The following CCNT1 variants were observed in gnomAD, a reference collection of about 807,000 sequenced individuals.
CCNT1 encodes the protein cyclin T1, also known as cyclin-T1.
In CCNT1, 18 loss-of-function variants were observed where a neutral mutation model predicts 67.3. That is an observed-to-expected ratio of 0.27 (90% CI 0.18 to 0.40). The LOEUF (loss-of-function observed/expected upper bound fraction) is 0.40. Ranked by LOEUF, CCNT1 falls within the 10% of genes least tolerant of loss-of-function variation. The probability of loss-of-function intolerance (pLI) is 1.00; values close to 1 mark genes in which losing one functional copy is unlikely to be tolerated. For missense variants in CCNT1, 744 were observed against 884.9 expected (o/e 0.84, Z 2.02); for synonymous variants, 333 against 310.3 (o/e 1.07, Z -0.77).
In CCNT1 at chr12:48,695,776, G is replaced by A; in HGVS notation, c.760C>T (p.Arg254Cys). The part of the protein sequence containing the change: ...ILEKTPNRLK[R>C]IWNWRACEAA... The stretch of plus-strand genomic sequence containing the variant: ...ATTCTTACCCTCCAATTCCAAATGC[G>A]TTTGAGCCTGTTGGGAGTTTTCTCC... Residue 254 changes from arginine to cysteine, a missense_variant, in exon 8 of 9, where the codon CGC becomes TGC. Around this residue, in one of 3 missense-constraint regions of CCNT1, gnomAD observed 142 missense variants for 277.0 expected, o/e 0.51. Coordinates refer to ENST00000261900, the MANE Select transcript of CCNT1 (RefSeq NM_001240.4). 1 of 1,611,266 alleles carries A rather than the reference G, an allele frequency of 6.2e-7. No homozygotes were observed. Among genetic ancestry groups the A allele is most frequent in the Non-Finnish European group, 8.5e-7 (1 of 1,177,450 alleles).
At chr12:48,695,653 A>T in intron 8 of CCNT1, 106 bp downstream of exon 8, 1 of 720,840 alleles carries the variant, frequency 1.4e-6, no homozygotes, top group Non-Finnish European at 2.4e-6. Flanking sequence ...TGTAACTATA[A>T]AAAGGGCAAT....
In CCNT1 at chr12:48,693,440, C is replaced by T. The variant is rs754284307; in HGVS notation, c.1774G>A (p.Ala592Thr). 1 of 1,614,094 alleles carries T rather than the reference C, an allele frequency of 6.2e-7. No individual in the cohort carries two copies. The highest frequency in any genetic ancestry group is 1.3e-5 in the African/African-American group (1 of 74,926). ...GAVFDHPAKI[A>T]KSTKSSSLNF... is the part of the protein sequence containing the mutation. ...AGGGAAGAGGATTTAGTACTCTTGG[C>T]AATCTTGGCTGGATGATCAAACACA... The change falls in exon 9 of 9, where the codon GCC becomes ACC. Residue 592 changes from alanine (A) to threonine (T), a missense_variant. Physicochemically the swap from Ala to Thr is moderately conservative, Grantham distance 58 (BLOSUM62 0). Around this residue, in one of 3 missense-constraint regions of CCNT1, gnomAD observed 564 missense variants for 574.2 expected, o/e 0.98. Transcript: ENST00000261900.
intron 8 of CCNT1, 129 bp from the exon 9 acceptor site, chr12:48,694,565 C>T (rs957068104): frequency 1.1e-5 from 8 of 703,904 alleles, no homozygotes; most frequent in Non-Finnish European, 1.4e-5. Context: ...GCTATCCTAA[C>T]ATGTAATCCA....
At chr12:48,696,763 C>G (rs554397597) in intron 6 of CCNT1, among the ~76,000 whole-genome samples, 5 of 152,280 alleles carry the variant, frequency 3.3e-5, no homozygotes, top group Admixed American at 2.6e-4. Context: ...CTGACAGTTA[C>G]TAGGGATATC....
At chr12:48,705,175 G>A (rs557482576) in intron 3 of CCNT1, among the ~76,000 whole-genome samples, 3 of 152,274 alleles carry the variant, frequency 2.0e-5, no homozygotes, top group African/African-American at 7.2e-5. Flanking sequence ...GCAGTGGTGT[G>A]ATCATGGCTC....
At chr12:48,696,849 TAGAC>T (rs1222985597) in intron 6 of CCNT1, among the ~76,000 whole-genome samples, 1 of 152,184 alleles carries the variant, frequency 6.6e-6, no homozygotes, top group Non-Finnish European at 1.5e-5. Context: ...TTACTTTTTT[TAGAC>T]AGAGTCTCTC....
In CCNT1 at chr12:48,716,650, T is replaced by C; in HGVS notation, c.26A>G (p.Asn9Ser). Residue 9 changes from asparagine (N) to serine (S), a missense_variant, in exon 1 of 9, where the codon AAC becomes AGC. By Grantham distance (46) the Asn-to-Ser change is conservative. Transcript: ENST00000261900. ...TTCTCGAGTGAAATACCACCGTTTG[T>C]TGTTGTTCTTCCTCTCTCCCTCCAT... MEGERKNN[N>S]KRWYFTREQL... 1 of 1,614,170 alleles carries C rather than the reference T, an allele frequency of 6.2e-7. No individual in the cohort carries two copies. Among genetic ancestry groups the C allele is most frequent in the East Asian group, 2.2e-5 (1 of 44,874 alleles).
At position 48,692,954 on chromosome 12, in the gene CCNT1, A is replaced by T; in HGVS notation, c.*79T>A. ...CCAAGGATGACATATTTCATAAGTA[A>T]TTTTCTTAGTCCAAAAAAAAAAAAG... On this transcript the variant is annotated 3_prime_UTR_variant, in exon 9 of 9. Coordinates refer to ENST00000261900, the MANE Select transcript of CCNT1 (RefSeq NM_001240.4). The T allele has an allele frequency of 1.1e-6, 1 of 893,778 alleles. No individual in the cohort carries two copies. Among genetic ancestry groups the T allele is most frequent in the Non-Finnish European group, 1.7e-6 (1 of 597,714 alleles). 55.4% of individuals were successfully genotyped at this position (893,778 alleles called of 1,614,324 possible).
intron 3 of CCNT1, among the ~76,000 whole-genome samples, chr12:48,702,468 A>G (rs927640515): frequency 5.9e-5 from 9 of 152,136 alleles, no homozygotes; most frequent in Non-Finnish European, 8.8e-5. Flanking sequence ...CATAAAATAC[A>G]CTGGATTTTT....
chr12:48,701,731 C>T (rs1467246037), intron 3 of CCNT1, among the ~76,000 whole-genome samples: 2 of 151,930 alleles, frequency 1.3e-5, no homozygotes, highest in Non-Finnish European at 2.9e-5. Flanking sequence ...CTCAGCCTCC[C>T]GAGTAGCTGG....
At chr12:48,704,582 G>T (rs1298416363) in intron 3 of CCNT1, among the ~76,000 whole-genome samples, 1 of 152,192 alleles carries the variant, frequency 6.6e-6, no homozygotes. Flanking sequence ...AGGCCAAGGC[G>T]GGCAGATCAC....
At position 48,698,189 on chromosome 12, in the gene CCNT1, G is replaced by GAA. The variant is rs11420004; in HGVS notation, c.497-8_497-7dup. 176,188 of 1,036,982 alleles carry GAA rather than the reference G, an allele frequency of 0.17. 100 individuals are homozygous for GAA. The highest frequency in any genetic ancestry group is 0.18 in the Non-Finnish European group (137,048 of 746,210). The allele number at this position is 1,036,982 out of a possible 1,614,324, so 64.2% of individuals were successfully genotyped here. ...CTGTGCTAAGTCCTTGCTTGCTAAAGAAAAAAAAAAAAAGTCAGGGGTGGG... is the reference window on the plus strand; with the variant it reads ...CTGTGCTAAGTCCTTGCTTGCTAAAGAAAAAAAAAAAAAAAGTCAGGGGTGGG... On this transcript the variant is annotated splice_polypyrimidine_tract_variant and splice_region_variant and intron_variant, in intron 5 of 8. Transcript: ENST00000261900.
At chr12:48,695,683 T>A (rs1409607360) in intron 8 of CCNT1, 76 bp downstream of exon 8, 26 of 966,042 alleles carry the variant, frequency 2.7e-5, no homozygotes, top group Non-Finnish European at 3.6e-5. Context: ...AGGGTACATA[T>A]TCAATACTGG....
Position 48,695,923 on chromosome 12 carries a change from A to C in CCNT1, c.706+76T>G. The C allele has an allele frequency of 3.2e-6, 5 of 1,563,856 alleles. No individual in the cohort carries two copies. In the South Asian group the frequency reaches 5.6e-5, roughly 17 times the overall value. ...ACTACTAACTAACTATTTTCATCTG[A>C]ATCAAGTCACCTTTGGCCAGCTATG... On this transcript the variant is annotated intron_variant, in intron 7 of 8. Transcript: ENST00000261900.
intron 5 of CCNT1, among the ~76,000 whole-genome samples, chr12:48,698,999 TTTAA>T (rs1289077223): frequency 1.3e-4 from 20 of 152,024 alleles, no homozygotes; most frequent in African/African-American, 4.3e-4. Flanking sequence ...CTAATTAAGA[TTTAA>T]TTAATTAATC....
chr12:48,693,821 G>A lies in CCNT1; in HGVS notation c.1393C>T (p.Pro465Ser). The change falls in exon 9 of 9, where the codon CCA becomes TCA. Residue 465 changes from proline to serine, a missense_variant. Pro to Ser is a moderately conservative substitution (Grantham distance 74). Transcript: ENST00000261900. ...GCAGCTTTATCTCCACCTGCCACTG[G>A]GATTCTCATTTTGAGAGCTGTTTTG... ...ADKTALKMRI[P>S]VAGGDKAASS... is the part of the protein sequence containing the mutation. The A allele has an allele frequency of 6.2e-7, 1 of 1,614,070 alleles. No individual in the cohort carries two copies.
intron 2 of CCNT1, among the ~76,000 whole-genome samples, chr12:48,710,996 G>A (rs1049728472): frequency 6.6e-6 from 1 of 152,100 alleles, no homozygotes; most frequent in African/African-American, 2.4e-5. Flanking sequence ...AGGAGGCGGA[G>A]GTTGCAGTGA....
Position 48,714,675 on chromosome 12 carries a change from G to C in CCNT1, c.162-151C>G, listed in dbSNP as rs138169308. 1.4e-5 allele frequency: 8 copies of C among 582,454 alleles called. No homozygotes were observed. In the East Asian group the frequency reaches 2.3e-4, roughly 17 times the overall value. The allele number at this position is 582,454 out of a possible 1,614,324, so 36.1% of individuals were successfully genotyped here. On this transcript the variant is annotated intron_variant, in intron 1 of 8. Coordinates refer to ENST00000261900, the MANE Select transcript of CCNT1 (RefSeq NM_001240.4). ...TCTCTCCAAATCAAAGAATATGTCTGTTTTCTTTCACCAAATTATTAATCG... is the reference window on the plus strand; with the variant it reads ...TCTCTCCAAATCAAAGAATATGTCTCTTTTCTTTCACCAAATTATTAATCG...
intron 3 of CCNT1, among the ~76,000 whole-genome samples, chr12:48,703,346 G>A (rs1940303137): frequency 6.6e-6 from 1 of 152,070 alleles, no homozygotes; most frequent in Non-Finnish European, 1.5e-5. Context: ...GGCTGAGGCA[G>A]GTGGATAACC....
Sources: gnomAD v4.1 joint callset for allele counts (sites outside exome capture counted in the v4.1 genomes callset) on GRCh38, gnomAD v4.1.1 for gene constraint, gnomAD v4.1.1 regional missense constraint, MANE v1.5 for transcripts, NCBI Gene and HGNC (gene_info 2026-07-23, HGNC 2026-07-21) for gene names.